The following POU2AF2 variants were observed in gnomAD, a reference collection of about 807,000 sequenced individuals.
POU2AF2 encodes POU class 2 homeobox associating factor 2.
chr11:111,282,688 G>A, the POU2AF2 span, among the ~76,000 whole-genome samples: 1 of 152,218 alleles, frequency 6.6e-6, no homozygotes. Flanking sequence ...CTGGAATTCT[G>A]TGTCTATAGA....
chr11:111,285,954 A>G, the POU2AF2 span: 5 of 1,613,996 alleles, frequency 3.1e-6, no homozygotes, highest in Non-Finnish European at 4.2e-6. Context: ...CTCTCCCCAG[A>G]TGAGGAAGCA....
At chr11:111,264,623 A>AAGAAAGAAAG in the POU2AF2 span, among the ~76,000 whole-genome samples, 1 of 76,838 alleles carries the variant, frequency 1.3e-5, no homozygotes, top group Non-Finnish European at 2.9e-5. Flanking sequence ...AAAGAAAGAG[A>AAGAAAGAAAG]AGAAAGAAAG....
the POU2AF2 span, among the ~76,000 whole-genome samples, chr11:111,253,556 C>T: frequency 6.6e-6 from 1 of 152,210 alleles, no homozygotes; most frequent in South Asian, 2.1e-4. Context: ...CTCCCATCCA[C>T]CACTACTCAG....
the POU2AF2 span, chr11:111,284,180 G>A: frequency 1.2e-6 from 2 of 1,614,202 alleles, no homozygotes; most frequent in Non-Finnish European, 1.7e-6. Context: ...CACCTCCAGC[G>A]TGGGGAAGCC....
At chr11:111,280,905 A>C in the POU2AF2 span, among the ~76,000 whole-genome samples, 1 of 152,202 alleles carries the variant, frequency 6.6e-6, no homozygotes, top group African/African-American at 2.4e-5. Context: ...CTCGAACTGC[A>C]AAACTGTGGC....
chr11:111,284,082 C>CGGTCA, the POU2AF2 span: 1 of 1,608,184 alleles, frequency 6.2e-7, no homozygotes. Flanking sequence ...ACAGGTTCGC[C>CGGTCA]GGTCACGTCA....
chr11:111,286,178 G>C, the POU2AF2 span: 1 of 1,058,198 alleles, frequency 9.5e-7, no homozygotes, highest in Non-Finnish European at 1.3e-6. Flanking sequence ...CTCTTTGTTA[G>C]TGGACGAGGG....
the POU2AF2 span, among the ~76,000 whole-genome samples, chr11:111,278,556 G>GTCTCTCTCTCTCTC: frequency 6.7e-6 from 1 of 148,348 alleles, no homozygotes. Context: ...CTCTCTCTCT[G>GTCTCTCTCTCTCTC]TCTCTCTCTC....
At chr11:111,250,132 C>T in the POU2AF2 span, among the ~76,000 whole-genome samples, 1 of 152,096 alleles carries the variant, frequency 6.6e-6, no homozygotes, top group Admixed American at 6.6e-5. Flanking sequence ...CGACTCTTTC[C>T]CCGACCTTCT....
the POU2AF2 span, among the ~76,000 whole-genome samples, chr11:111,254,648 T>C: frequency 6.6e-6 from 1 of 152,244 alleles, no homozygotes; most frequent in Non-Finnish European, 1.5e-5. Context: ...ATACTACCTC[T>C]GGTTGTAGCT....
At chr11:111,247,094 A>T in the POU2AF2 span, among the ~76,000 whole-genome samples, 5,986 of 152,074 alleles carry the variant, frequency 0.039, 316 homozygotes, top group East Asian at 0.26. Context: ...TGTTTCACTT[A>T]GCATAATGTC....
chr11:111,285,987 C>A, the POU2AF2 span: 1 of 1,614,010 alleles, frequency 6.2e-7, no homozygotes, highest in Non-Finnish European at 8.5e-7. Context: ...CTCCATGACC[C>A]TTCCCCTTGG....
chr11:111,284,082 C>T, the POU2AF2 span: 1 of 1,608,184 alleles, frequency 6.2e-7, no homozygotes, highest in Non-Finnish European at 8.5e-7. Context: ...ACAGGTTCGC[C>T]GGTCACGTCA....
the POU2AF2 span, among the ~76,000 whole-genome samples, chr11:111,247,779 C>T: frequency 6.6e-6 from 1 of 151,168 alleles, no homozygotes; most frequent in Non-Finnish European, 1.5e-5. Flanking sequence ...GAGCAAGACT[C>T]CATCTTAAAA....
At chr11:111,279,954 T>A in the POU2AF2 span, among the ~76,000 whole-genome samples, 1 of 148,096 alleles carries the variant, frequency 6.8e-6, no homozygotes, top group Non-Finnish European at 1.5e-5. Context: ...GGCAGGAGAA[T>A]CACTTGAATC....
chr11:111,269,528 A>T, the POU2AF2 span, among the ~76,000 whole-genome samples: 1 of 152,146 alleles, frequency 6.6e-6, no homozygotes, highest in Non-Finnish European at 1.5e-5. Flanking sequence ...GGTTTTTTTA[A>T]TGTCATAAAA....
the POU2AF2 span, among the ~76,000 whole-genome samples, chr11:111,274,227 T>G: frequency 3.9e-5 from 6 of 152,140 alleles, no homozygotes; most frequent in African/African-American, 1.4e-4. Flanking sequence ...CCCAGCCCCA[T>G]GCAGGCCCTT....
At chr11:111,277,927 A>T in the POU2AF2 span, among the ~76,000 whole-genome samples, 4 of 152,232 alleles carry the variant, frequency 2.6e-5, no homozygotes, top group Admixed American at 1.3e-4. Context: ...CGCCTGCTAC[A>T]TGGGAATATG....
chr11:111,264,338 A>G, the POU2AF2 span, among the ~76,000 whole-genome samples: 3 of 151,910 alleles, frequency 2.0e-5, no homozygotes, highest in Non-Finnish European at 4.4e-5. Context: ...TCTACTAAAA[A>G]TACAAAAATT....
Sources: allele counts gnomAD v4.1 joint callset (sites outside exome capture counted in the v4.1 genomes callset), GRCh38; gene constraint gnomAD v4.1.1; transcripts MANE v1.5; gene names NCBI Gene and HGNC (gene_info 2026-07-23, HGNC 2026-07-21).